The following ADAMTSL1 variants were observed in gnomAD, a reference collection of about 807,000 sequenced individuals.
ADAMTSL1 encodes ADAMTS like 1.
Under a neutral mutation model 201.8 loss-of-function variants are expected in ADAMTSL1, and 126 were observed. The observed-to-expected ratio is 0.62, with a 90% confidence interval of 0.54 to 0.72. The LOEUF is 0.72. Among genes scored for constraint, ADAMTSL1 ranks in the 30% least tolerant of loss-of-function variants. The pLI is 0.00. For missense variants in ADAMTSL1, 2,679 were observed against 2,277.8 expected, an observed-to-expected ratio of 1.18 and a Z score of -3.59; for synonymous variants, 1,121 against 903.4, an observed-to-expected ratio of 1.24 and a Z score of -4.32.
At chr9:18,773,424 T>C (rs993440796) in intron 17 of ADAMTSL1, among the ~76,000 whole-genome samples, 1 of 152,202 alleles carries the variant, frequency 6.6e-6, no homozygotes, top group Admixed American at 6.5e-5. Context: ...GAAAGAATAA[T>C]TTTAGAGCTA....
At chr9:18,897,321 G>A (rs1829705988) in intron 26 of ADAMTSL1, among the ~76,000 whole-genome samples, 1 of 152,148 alleles carries the variant, frequency 6.6e-6, no homozygotes, top group Non-Finnish European at 1.5e-5. Flanking sequence ...GTCTGGACAA[G>A]GAAGGGTTCC....
intron 1 of ADAMTSL1, among the ~76,000 whole-genome samples, chr9:18,001,929 G>C (rs1203515428): frequency 2.6e-5 from 4 of 151,918 alleles, no homozygotes; most frequent in Non-Finnish European, 5.9e-5. Context: ...GGAGTGAATG[G>C]GAGGGAAGGA....
At chr9:18,276,754 C>A (rs1449328492) in intron 2 of ADAMTSL1, among the ~76,000 whole-genome samples, 1 of 152,162 alleles carries the variant, frequency 6.6e-6, no homozygotes, top group Non-Finnish European at 1.5e-5. Context: ...TTATTTTAAA[C>A]AGCCAGATCT....
chr9:18,037,860 T>C (rs1051062690), intron 1 of ADAMTSL1, among the ~76,000 whole-genome samples: 1 of 152,094 alleles, frequency 6.6e-6, no homozygotes, highest in Non-Finnish European at 1.5e-5. Context: ...ACAAAACAAA[T>C]GGTGCGCAAT....
intron 2 of ADAMTSL1, among the ~76,000 whole-genome samples, chr9:18,519,811 G>A (rs577281262): frequency 6.6e-6 from 1 of 152,268 alleles, no homozygotes; most frequent in South Asian, 2.1e-4. Context: ...TAGATTTTTT[G>A]AGCAGTATGT....
At chr9:18,555,344 G>C (rs1285506020) in intron 3 of ADAMTSL1, among the ~76,000 whole-genome samples, 1 of 151,850 alleles carries the variant, frequency 6.6e-6, no homozygotes, top group African/African-American at 2.4e-5. Flanking sequence ...TTTTGTCTCT[G>C]AGGAAACTTC....
Position 18,777,799 on chromosome 9 carries a change from C to A in ADAMTSL1, c.3570C>A (p.Ala1190=). The A allele has an allele frequency of 6.2e-7, 1 of 1,613,772 alleles. No homozygotes were observed. The highest frequency in any genetic ancestry group is 8.5e-7 in the Non-Finnish European group (1 of 1,179,812). Residue 1190 remains alanine, a synonymous_variant, in exon 19 of 29, where the codon GCC becomes GCA. Transcript: ENST00000380548. ...EVVTHLGQTV[A]LASGTLSVLL... The stretch of plus-strand genomic sequence containing the variant: ...TCACCCACCTGGGGCAGACGGTGGC[C>A]CTGGCCAGCGGGACACTGAGTGTTC...
At chr9:18,231,471 T>C (rs1372885058) in intron 2 of ADAMTSL1, among the ~76,000 whole-genome samples, 1 of 152,182 alleles carries the variant, frequency 6.6e-6, no homozygotes, top group African/African-American at 2.4e-5. Context: ...ACACGTTCTC[T>C]TGGTTTTCCT....
intron 19 of ADAMTSL1, among the ~76,000 whole-genome samples, chr9:18,794,052 CTG>C (rs1413229568): frequency 3.3e-5 from 5 of 151,172 alleles, no homozygotes; most frequent in African/African-American, 1.2e-4. Flanking sequence ...CTGAAGTAGA[CTG>C]TGATTATTCT....
chr9:18,847,531 G>A lies in ADAMTSL1; in HGVS notation c.4249+17554G>A, dbSNP rs537290102. 2.6e-5 allele frequency among the ~76,000 whole-genome samples: 4 copies of A among 152,374 alleles called. 1 individual carries two copies. In the South Asian group the frequency reaches 6.2e-4, roughly 24 times the overall value. ...GAAAAATAAAGCAGGATAAGAGGGAGAGGTGGTGCCTATGTGGGAAGGAGG... is the reference window on the plus strand; with the variant it reads ...GAAAAATAAAGCAGGATAAGAGGGAAAGGTGGTGCCTATGTGGGAAGGAGG... On this transcript the variant is annotated intron_variant, in intron 23 of 28. Transcript: ENST00000380548.
chr9:18,505,867 T>C (rs189066518), intron 2 of ADAMTSL1, among the ~76,000 whole-genome samples: 3 of 152,290 alleles, frequency 2.0e-5, no homozygotes, highest in Non-Finnish European at 2.9e-5. Context: ...GTCAACTTAC[T>C]TTAATAAGAG....
intron 4 of ADAMTSL1, among the ~76,000 whole-genome samples, chr9:18,582,863 T>A (rs1350512697): frequency 2.0e-5 from 3 of 147,718 alleles, no homozygotes; most frequent in Non-Finnish European, 4.5e-5. Context: ...TAAAATAAAA[T>A]AAATAAAATA....
At chr9:18,740,483 T>C in intron 15 of ADAMTSL1, among the ~76,000 whole-genome samples, 1 of 143,752 alleles carries the variant, frequency 7.0e-6, no homozygotes, top group Non-Finnish European at 1.5e-5. Flanking sequence ...TTTATCTTTT[T>C]TTTTTTTTTT....
intron 4 of ADAMTSL1, among the ~76,000 whole-genome samples, chr9:18,578,377 C>G (rs1473522127): frequency 1.3e-5 from 2 of 152,154 alleles, no homozygotes; most frequent in Non-Finnish European, 2.9e-5. Context: ...CCTCTTCACC[C>G]TGCATCTCAG....
chr9:18,602,718 C>G (rs1824742351), intron 4 of ADAMTSL1, among the ~76,000 whole-genome samples: 1 of 152,218 alleles, frequency 6.6e-6, no homozygotes, highest in Non-Finnish European at 1.5e-5. Context: ...GACACAGTCA[C>G]TTCTCAGTTG....
intron 1 of ADAMTSL1, among the ~76,000 whole-genome samples, chr9:17,941,844 G>T (rs1223015697): frequency 6.6e-6 from 1 of 152,062 alleles, no homozygotes; most frequent in Non-Finnish European, 1.5e-5. Context: ...CAGATTTGAG[G>T]TTTGATGAGG....
intron 2 of ADAMTSL1, among the ~76,000 whole-genome samples, chr9:18,377,159 T>A (rs572283641): frequency 3.3e-5 from 5 of 152,324 alleles, no homozygotes; most frequent in Admixed American, 2.0e-4. Context: ...TTGGATTATA[T>A]GGGTTCAAGC....
intron 20 of ADAMTSL1, 22 bp from the exon 21 acceptor site, chr9:18,817,087 T>A: frequency 6.2e-7 from 1 of 1,607,452 alleles, no homozygotes; most frequent in South Asian, 1.1e-5. Context: ...AAGTAACATC[T>A]CATATTCTTT....
At chr9:18,055,977 T>G (rs1822163492) in intron 1 of ADAMTSL1, among the ~76,000 whole-genome samples, 1 of 152,202 alleles carries the variant, frequency 6.6e-6, no homozygotes, top group Non-Finnish European at 1.5e-5. Context: ...GCAACATCCA[T>G]TTTTTGAAAA....
Sources: gnomAD v4.1 joint callset for allele counts (sites outside exome capture counted in the v4.1 genomes callset) on GRCh38, gnomAD v4.1.1 for gene constraint, MANE v1.5 for transcripts, NCBI Gene and HGNC (gene_info 2026-07-23, HGNC 2026-07-21) for gene names.